CLYBL: variants seen among roughly 807,000 people sequenced by gnomAD.
CLYBL encodes the protein citramalyl-CoA lyase.
Under a neutral mutation model 38.9 loss-of-function variants are expected in CLYBL, and 31 were observed. That is an observed-to-expected ratio of 0.80 (90% CI 0.60 to 1.08). CLYBL has a LOEUF of 1.08. CLYBL is among the 50% of genes least tolerant of loss of function. CLYBL has a pLI of 0.00. For synonymous variants in CLYBL, 171 were observed against 158.6 expected (o/e 1.08, Z -0.59); for missense variants, 434 against 411.6 (o/e 1.05, Z -0.47).
chr13:99,875,883 C>T (rs2052026052), intron 7 of CLYBL, among the ~76,000 whole-genome samples: 1 of 152,108 alleles, frequency 6.6e-6, no homozygotes, highest in South Asian at 2.1e-4. Flanking sequence ...TTTCCCTGCT[C>T]ATTTAACATT....
At chr13:99,732,677 G>T (rs2048610984) in intron 1 of CLYBL, among the ~76,000 whole-genome samples, 1 of 152,052 alleles carries the variant, frequency 6.6e-6, no homozygotes, top group Non-Finnish European at 1.5e-5. Flanking sequence ...CAAATATCTT[G>T]ACAGCTTAAA....
chr13:99,879,309 C>T (rs2052133538), intron 7 of CLYBL, among the ~76,000 whole-genome samples: 1 of 152,158 alleles, frequency 6.6e-6, no homozygotes, highest in Non-Finnish European at 1.5e-5. Flanking sequence ...AATGTTAACG[C>T]TGTCTATTCA....
At position 99,674,967 on chromosome 13, in the gene CLYBL, G is replaced by A. The variant is rs933525337; in HGVS notation, c.62+68210G>A. Among the ~76,000 whole-genome samples the A allele has an allele frequency of 2.6e-5, 4 of 152,144 alleles. 1 individual carries two copies. The highest frequency in any genetic ancestry group is 9.7e-5 in the African/African-American group (4 of 41,430). On this transcript the variant is annotated intron_variant, in intron 1 of 8. Coordinates refer to ENST00000339105, the MANE Select transcript of CLYBL (RefSeq NM_206808.5). ...AAGGATGGCATGAGCCCAGGAGTTCGAGGCTGCAGAGAACAATGATCGCTC... is the reference window on the plus strand; with the variant it reads ...AAGGATGGCATGAGCCCAGGAGTTCAAGGCTGCAGAGAACAATGATCGCTC...
intron 1 of CLYBL, among the ~76,000 whole-genome samples, chr13:99,691,343 A>G (rs927321329): frequency 3.3e-5 from 5 of 152,186 alleles, no homozygotes; most frequent in African/African-American, 9.7e-5. Flanking sequence ...TAATTTTTAG[A>G]CACAAGTCTT....
At chr13:99,684,249 C>T (rs975916234) in intron 1 of CLYBL, among the ~76,000 whole-genome samples, 1 of 136,504 alleles carries the variant, frequency 7.3e-6, no homozygotes, top group Non-Finnish European at 1.5e-5. Context: ...AGGGCAGTGG[C>T]GCGATCTGCA....
intron 1 of CLYBL, among the ~76,000 whole-genome samples, chr13:99,705,123 G>A (rs575998098): frequency 6.6e-6 from 1 of 152,184 alleles, no homozygotes; most frequent in African/African-American, 2.4e-5. Flanking sequence ...CAGATACTGT[G>A]TTCCTGGGTA....
chr13:99,684,096 G>A (rs2139407636), intron 1 of CLYBL, among the ~76,000 whole-genome samples: 1 of 140,606 alleles, frequency 7.1e-6, no homozygotes, highest in South Asian at 2.2e-4. Flanking sequence ...TGACCAGGCT[G>A]GTCTTGAACT....
chr13:99,718,012 T>A (rs965809159), intron 1 of CLYBL, among the ~76,000 whole-genome samples: 3 of 152,126 alleles, frequency 2.0e-5, no homozygotes, highest in Non-Finnish European at 4.4e-5. Context: ...GTTTTTAGCA[T>A]TCTCTTACTG....
chr13:99,802,875 A>G (rs989129708), intron 2 of CLYBL, among the ~76,000 whole-genome samples: 1 of 152,210 alleles, frequency 6.6e-6, no homozygotes, highest in African/African-American at 2.4e-5. Context: ...GTTCTGTAAC[A>G]TGCATCAAAC....
intron 2 of CLYBL, among the ~76,000 whole-genome samples, chr13:99,808,083 GTTGT>G (rs965383541): frequency 1.2e-4 from 18 of 152,032 alleles, no homozygotes; most frequent in African/African-American, 2.7e-4. Flanking sequence ...TGTTTTTGTT[GTTGT>G]TTGTTTGTTT....
chr13:99,725,670 T>G (rs556497664), intron 1 of CLYBL, among the ~76,000 whole-genome samples: 1 of 152,346 alleles, frequency 6.6e-6, no homozygotes, highest in Admixed American at 6.5e-5. Flanking sequence ...TAAGCTCATT[T>G]TGGAAAATGT....
chr13:99,620,519 G>C (rs775049231), intron 1 of CLYBL, among the ~76,000 whole-genome samples: 2 of 152,242 alleles, frequency 1.3e-5, no homozygotes, highest in African/African-American at 2.4e-5. Flanking sequence ...GCTCATGCCT[G>C]TAATCCCAGC....
At chr13:99,754,190 G>A (rs1002597992) in intron 1 of CLYBL, among the ~76,000 whole-genome samples, 1 of 145,572 alleles carries the variant, frequency 6.9e-6, no homozygotes, top group African/African-American at 2.5e-5. Context: ...TGGGCGGATC[G>A]TTTGAGCCCA....
chr13:99,647,634 G>A (rs1008321898), intron 1 of CLYBL, among the ~76,000 whole-genome samples: 2 of 152,194 alleles, frequency 1.3e-5, no homozygotes, highest in Non-Finnish European at 1.5e-5. Flanking sequence ...GATAACAGCC[G>A]TCAATTTTTC....
chr13:99,819,452 ATATATATATAT>A (rs1566340226), intron 2 of CLYBL, among the ~76,000 whole-genome samples: 2 of 83,070 alleles, frequency 2.4e-5, no homozygotes, highest in African/African-American at 9.8e-5. Flanking sequence ...ATATATATAT[ATATATATATAT>A]ATATAATATT....
intron 1 of CLYBL, among the ~76,000 whole-genome samples, chr13:99,747,414 C>T (rs2048872609): frequency 6.6e-6 from 1 of 151,996 alleles, no homozygotes; most frequent in African/African-American, 2.4e-5. Context: ...TTTAGGCCAA[C>T]TCTTTCCTCA....
At chr13:99,757,711 G>A (rs560554399) in intron 1 of CLYBL, among the ~76,000 whole-genome samples, 1 of 152,190 alleles carries the variant, frequency 6.6e-6, no homozygotes, top group South Asian at 2.1e-4. Context: ...CACCCGCCTC[G>A]GCCTCCCAAA....
rs774961525 is a variant in CLYBL, at chr13:99,865,676, C to T, written c.635-564C>T. ...CTTTCCAGGAGACTTGTGTATCCAA[C>T]GGTTCAGCGGGCTACAGAAGGCATA... On this transcript the variant is annotated intron_variant, in intron 5 of 8. Coordinates refer to ENST00000339105, the MANE Select transcript of CLYBL (RefSeq NM_206808.5). The surrounding 1 kb of genome is among the most constrained non-coding windows in gnomAD (Gnocchi z 4.7). Among the ~76,000 whole-genome samples, 26 of 152,216 alleles carry T rather than the reference C, an allele frequency of 1.7e-4. No individual in the cohort carries two copies. Among genetic ancestry groups the T allele is most frequent in the African/African-American group, 5.5e-4 (23 of 41,466 alleles).
chr13:99,608,738 T>G (rs2046573303), intron 1 of CLYBL, among the ~76,000 whole-genome samples: 1 of 152,130 alleles, frequency 6.6e-6, no homozygotes, highest in Admixed American at 6.6e-5. Flanking sequence ...ATTGGCATTT[T>G]TTTTCCTTTG....
Sources: allele counts gnomAD v4.1 joint callset (sites outside exome capture counted in the v4.1 genomes callset), GRCh38; gene constraint gnomAD v4.1.1; non-coding constraint Gnocchi (gnomAD v3.1); transcripts MANE v1.5; gene names NCBI Gene and HGNC (gene_info 2026-07-23, HGNC 2026-07-21).